XPO4: variants seen among roughly 807,000 people sequenced by gnomAD.
XPO4 encodes the protein exportin-4.
A neutral mutation model predicts 143.0 loss-of-function variants in XPO4; 39 were observed. That is an observed-to-expected ratio of 0.27 (90% CI 0.21 to 0.36). XPO4 has a LOEUF of 0.36. XPO4 is among the 10% of genes least tolerant of loss of function. XPO4 has a pLI of 1.00. For missense variants in XPO4, 907 were observed against 1,348.0 expected (o/e 0.67, Z 5.12); for synonymous variants, 439 against 474.0 (o/e 0.93, Z 0.96).
intron 8 of XPO4, 102 bp downstream of exon 8, chr13:20,822,030 C>A: frequency 7.0e-7 from 1 of 1,438,212 alleles, no homozygotes; most frequent in East Asian, 2.4e-5. Context: ...GACTTTACTT[C>A]AAAATATAAG....
At chr13:20,867,853 TA>T (rs1336037558) in intron 2 of XPO4, among the ~76,000 whole-genome samples, 2 of 152,056 alleles carry the variant, frequency 1.3e-5, no homozygotes. Context: ...TGGCTCCCAC[TA>T]AAAAAATCAG....
At chr13:20,808,264 A>G (rs1180836772) in intron 12 of XPO4, among the ~76,000 whole-genome samples, 172 bp downstream of exon 12, 5 of 152,234 alleles carry the variant, frequency 3.3e-5, no homozygotes, top group Non-Finnish European at 5.9e-5. Context: ...CACTGCATAC[A>G]TATTAGCCAG....
At chr13:20,787,683 T>C (rs2059223750) in intron 20 of XPO4, 85 bp from the exon 21 acceptor site, 1 of 1,085,400 alleles carries the variant, frequency 9.2e-7, no homozygotes, top group Non-Finnish European at 1.4e-6. Flanking sequence ...ATTAAATGGA[T>C]GAGTGTTTCT....
intron 1 of XPO4, among the ~76,000 whole-genome samples, chr13:20,885,977 A>G (rs558197891): frequency 1.3e-5 from 2 of 152,380 alleles, no homozygotes; most frequent in East Asian, 3.9e-4. Flanking sequence ...ATTTATACGT[A>G]CAAAACAAAA....
At chr13:20,872,447 T>C (rs750349557) in intron 1 of XPO4, among the ~76,000 whole-genome samples, 9 of 152,222 alleles carry the variant, frequency 5.9e-5, no homozygotes, top group Non-Finnish European at 1.0e-4. Context: ...CCAGTGACTT[T>C]ATTTCTCTCT....
In XPO4 at chr13:20,798,168, T is replaced by C. The variant is rs150030069; in HGVS notation, c.2322+997A>G. 7.2e-5 allele frequency among the ~76,000 whole-genome samples: 11 copies of C among 151,940 alleles called. No individual in the cohort carries two copies. In the East Asian group the frequency reaches 1.9e-3, roughly 27 times the overall value. On this transcript the variant is annotated intron_variant, in intron 16 of 22. Transcript: ENST00000255305. ...AAAAAAAAAGAAAATAGGGTTGTCA[T>C]AGATGTAATTAGTTCAGATGAGGTC... is the stretch of plus-strand genomic sequence containing the variant.
At chr13:20,848,782 T>G in intron 4 of XPO4, 2 of 985,248 alleles carry the variant, frequency 2.0e-6, no homozygotes, top group African/African-American at 1.7e-5. Flanking sequence ...AATGATGTGT[T>G]CCCTATTTTT....
At chr13:20,800,366 A>T in intron 14 of XPO4, 41 bp from the exon 15 acceptor site, 3 of 1,567,366 alleles carry the variant, frequency 1.9e-6, no homozygotes, top group South Asian at 2.4e-5. Flanking sequence ...AGCAAGAAAG[A>T]TCAACTCAAG....
At chr13:20,815,329 G>A (rs887411317) in intron 9 of XPO4, among the ~76,000 whole-genome samples, 1 of 152,180 alleles carries the variant, frequency 6.6e-6, no homozygotes, top group Non-Finnish European at 1.5e-5. Context: ...GCGATGATGT[G>A]TCAATGTCGT....
intron 1 of XPO4, among the ~76,000 whole-genome samples, chr13:20,897,168 G>A (rs999411479): frequency 8.5e-5 from 13 of 152,126 alleles, no homozygotes; most frequent in Admixed American, 3.3e-4. Context: ...TTACTATAAT[G>A]CATCTTTCAA....
intron 1 of XPO4, among the ~76,000 whole-genome samples, chr13:20,897,779 G>C (rs1392093207): frequency 1.3e-5 from 2 of 152,096 alleles, no homozygotes; most frequent in Non-Finnish European, 2.9e-5. Context: ...TTTTGAGACA[G>C]AGTCCCGCTC....
intron 21 of XPO4, 32 bp downstream of exon 21, chr13:20,787,449 T>C: frequency 1.9e-6 from 3 of 1,588,480 alleles, no homozygotes; most frequent in Non-Finnish European, 2.6e-6. Context: ...TGAAAGTAGC[T>C]GATTTTCTGA....
chr13:20,795,806 T>C (rs1316371562), intron 18 of XPO4, among the ~76,000 whole-genome samples: 1 of 152,212 alleles, frequency 6.6e-6, no homozygotes, highest in Non-Finnish European at 1.5e-5. Flanking sequence ...AACAATGGGA[T>C]TGACTTCATA....
At chr13:20,815,219 C>T (rs2059633883) in intron 9 of XPO4, among the ~76,000 whole-genome samples, 1 of 152,172 alleles carries the variant, frequency 6.6e-6, no homozygotes, top group African/African-American at 2.4e-5. Context: ...AGTGAAACTA[C>T]TCTGTATGAT....
chr13:20,902,505 A>G lies in XPO4; in HGVS notation c.69+165T>C, dbSNP rs781289075. The stretch of plus-strand genomic sequence containing the variant: ...AAGGAGGGGACGACGGCAGGAGGAA[A>G]GTAGGCTGAAGAATCCTGCGCCACG... On this transcript the variant is annotated intron_variant, in intron 1 of 22. Transcript: ENST00000255305. 4.1e-6 allele frequency: 4 copies of G among 985,412 alleles called. No individual in the cohort carries two copies. In the South Asian group the frequency reaches 1.4e-4, roughly 35 times the overall value. 61.0% of individuals were successfully genotyped at this position (985,412 alleles called of 1,614,324 possible). A position where few individuals can be genotyped will look rare whatever the true frequency, so the allele number is the denominator to read the frequency against.
At chr13:20,792,059 G>A (rs937303436) in intron 18 of XPO4, among the ~76,000 whole-genome samples, 5 of 152,188 alleles carry the variant, frequency 3.3e-5, no homozygotes, top group South Asian at 2.1e-4. Context: ...AAGAAGACAC[G>A]TCTCTCAGAG....
At position 20,836,229 on chromosome 13, in the gene XPO4, G is replaced by A. The variant is rs73437440; in HGVS notation, c.727+6666C>T. Among the ~76,000 whole-genome samples the A allele has an allele frequency of 1.5e-3, 227 of 152,238 alleles. 1 individual carries two copies. Among genetic ancestry groups the A allele is most frequent in the African/African-American group, 4.8e-3 (199 of 41,548 alleles). ...AATTACTACCTGATCACTGAGATAC[G>A]GCTTTTGCCCCTGTCATTCACATAA... On this transcript the variant is annotated intron_variant, in intron 6 of 22. Transcript: ENST00000255305.
At chr13:20,792,094 G>A (rs2141494070) in intron 18 of XPO4, among the ~76,000 whole-genome samples, 1 of 152,342 alleles carries the variant, frequency 6.6e-6, no homozygotes, top group Middle Eastern at 3.4e-3. Context: ...CCCATCATGG[G>A]CTCCAAGAGG....
intron 6 of XPO4, among the ~76,000 whole-genome samples, chr13:20,837,472 C>T (rs1185821472): frequency 1.3e-5 from 2 of 151,932 alleles, no homozygotes; most frequent in Admixed American, 6.6e-5. Flanking sequence ...ATGGCGTAAT[C>T]TCAGCTCACT....
Sources: allele counts gnomAD v4.1 joint callset (sites outside exome capture counted in the v4.1 genomes callset), GRCh38; gene constraint gnomAD v4.1.1; transcripts MANE v1.5; gene names NCBI Gene and HGNC (gene_info 2026-07-23, HGNC 2026-07-21).